The following PTPRD variants were observed in gnomAD, a reference collection of about 807,000 sequenced individuals.
PTPRD encodes protein tyrosine phosphatase receptor type D, also known as receptor-type tyrosine-protein phosphatase delta.
A neutral mutation model predicts 214.5 loss-of-function variants in PTPRD; 34 were observed. The observed-to-expected ratio is 0.16, with a 90% CI of 0.12 to 0.21. PTPRD has a LOEUF of 0.21. PTPRD is among the 10% of genes least tolerant of loss of function. The pLI is 1.00. For synonymous variants in PTPRD, 1,128 were observed against 845.7 expected (o/e 1.33, Z -5.79); for missense variants, 2,545 against 2,398.7 (o/e 1.06, Z -1.27).
At chr9:9,912,465 C>A (rs999015005) in intron 5 of PTPRD, among the ~76,000 whole-genome samples, 1 of 152,144 alleles carries the variant, frequency 6.6e-6, no homozygotes, top group Non-Finnish European at 1.5e-5. Context: ...AAATAATGTT[C>A]TTTTTGCCAT....
intron 4 of PTPRD, among the ~76,000 whole-genome samples, chr9:9,947,505 TATATATAA>T (rs1566621288): frequency 1.0e-3 from 29 of 28,440 alleles, no homozygotes; most frequent in African/African-American, 3.9e-3. Flanking sequence ...ATATATTTTA[TATATATAA>T]TATATATATT....
chr9:10,085,461 C>A (rs1296083371), intron 3 of PTPRD, among the ~76,000 whole-genome samples: 1 of 151,816 alleles, frequency 6.6e-6, no homozygotes, highest in East Asian at 1.9e-4. Flanking sequence ...GAGTTCTTCA[C>A]TGAGAAACCT....
chr9:10,420,899 T>C (rs922041690), intron 2 of PTPRD, among the ~76,000 whole-genome samples: 1 of 151,888 alleles, frequency 6.6e-6, no homozygotes, highest in South Asian at 2.1e-4. Context: ...GACTCCCACA[T>C]TTTGCTACTG....
chr9:9,559,891 C>T (rs1386349062), intron 8 of PTPRD, among the ~76,000 whole-genome samples: 3 of 152,188 alleles, frequency 2.0e-5, no homozygotes, highest in African/African-American at 7.2e-5. Context: ...AAGGTGCAGA[C>T]AGAGGTTTCA....
chr9:9,380,205 A>G lies in PTPRD; in HGVS notation c.-203+17244T>C, dbSNP rs886489118. ...ATCCCTAGTTTTACTGAGAGTTTTAATCATGCTAGACATCTCTCTAGACAC... is the reference window on the plus strand; with the variant it reads ...ATCCCTAGTTTTACTGAGAGTTTTAGTCATGCTAGACATCTCTCTAGACAC... On this transcript the variant is annotated intron_variant, in intron 9 of 45. Transcript: ENST00000381196. Among the ~76,000 whole-genome samples, 5 of 152,056 alleles carry G rather than the reference A, an allele frequency of 3.3e-5. No homozygotes were observed. In the East Asian group the frequency reaches 7.7e-4, roughly 24 times the overall value.
intron 10 of PTPRD, among the ~76,000 whole-genome samples, chr9:9,061,767 G>A (rs2099707877): frequency 1.3e-5 from 2 of 152,114 alleles, no homozygotes; most frequent in South Asian, 2.1e-4. Context: ...GGACCCAGTG[G>A]CACTAGCAGG....
intron 9 of PTPRD, among the ~76,000 whole-genome samples, chr9:9,392,617 T>C (rs1361165859): frequency 6.6e-6 from 1 of 152,160 alleles, no homozygotes; most frequent in East Asian, 1.9e-4. Flanking sequence ...GGTAATTTGA[T>C]AATCAGGCTA....
At chr9:8,816,212 A>G in intron 11 of PTPRD, among the ~76,000 whole-genome samples, 1 of 152,232 alleles carries the variant, frequency 6.6e-6, no homozygotes, top group East Asian at 1.9e-4. Context: ...AAAATCCATA[A>G]CAGACATTAG....
chr9:9,920,795 G>C (rs770704982), intron 5 of PTPRD, among the ~76,000 whole-genome samples: 4 of 152,110 alleles, frequency 2.6e-5, no homozygotes, highest in Admixed American at 6.6e-5. Flanking sequence ...GTAGATGCCA[G>C]CATTATTTAA....
At chr9:9,952,167 A>C (rs1394607975) in intron 4 of PTPRD, among the ~76,000 whole-genome samples, 1 of 152,186 alleles carries the variant, frequency 6.6e-6, no homozygotes, top group Non-Finnish European at 1.5e-5. Flanking sequence ...CACAATCCTA[A>C]CACAGTGAAA....
intron 11 of PTPRD, among the ~76,000 whole-genome samples, chr9:8,978,300 A>G (rs2099279540): frequency 6.6e-6 from 1 of 152,060 alleles, no homozygotes; most frequent in African/African-American, 2.4e-5. Flanking sequence ...TTCTGCTGGC[A>G]TTATGGTTGT....
At chr9:9,026,931 T>G (rs1416204321) in intron 10 of PTPRD, among the ~76,000 whole-genome samples, 1 of 151,608 alleles carries the variant, frequency 6.6e-6, no homozygotes, top group African/African-American at 2.4e-5. Context: ...GGAAGGAATC[T>G]CCCCAGCCAG....
chr9:8,927,980 A>T (rs201089094), intron 11 of PTPRD, among the ~76,000 whole-genome samples: 1 of 151,684 alleles, frequency 6.6e-6, no homozygotes, highest in African/African-American at 2.4e-5. Context: ...TTTTTTTCAT[A>T]TTTGTTGGCC....
rs372251506 is a variant in PTPRD, at chr9:9,220,344, T to A, written c.-202-36981A>T. ...TAAAAGCACTATCTAGAAGGCTTCA[T>A]ATTGCAAAATGACAAGTTTTTTTGA... On this transcript the variant is annotated intron_variant, in intron 9 of 45. Transcript: ENST00000381196. Among the ~76,000 whole-genome samples, 69 of 147,018 alleles carry A rather than the reference T, an allele frequency of 4.7e-4. 1 individual carries two copies. In the East Asian group the frequency reaches 5.8e-3, roughly 12 times the overall value.
chr9:9,019,819 G>A (rs955321452), intron 10 of PTPRD, among the ~76,000 whole-genome samples: 5 of 152,198 alleles, frequency 3.3e-5, no homozygotes, highest in Non-Finnish European at 5.9e-5. Context: ...TAATTTATAA[G>A]TAACTCTAAA....
chr9:8,706,756 T>G (rs1267788359), intron 12 of PTPRD, among the ~76,000 whole-genome samples: 1 of 152,206 alleles, frequency 6.6e-6, no homozygotes, highest in East Asian at 1.9e-4. Context: ...GAGTCAGGGT[T>G]GTCTTCATAA....
rs367946559 is a variant in PTPRD, at chr9:8,341,053, C to T, written c.5126+37G>A. On this transcript the variant is annotated intron_variant, in intron 41 of 45. Coordinates refer to ENST00000381196, the MANE Select transcript of PTPRD (RefSeq NM_002839.4). ...ATTAAACTAGGGCACATGTAAATAT[C>T]AAGGCTTTGGATAGTCAGGGGAGCA... is the stretch of plus-strand genomic sequence containing the variant. 194 of 1,524,574 alleles carry T rather than the reference C, an allele frequency of 1.3e-4. 1 individual carries two copies. In the African/African-American group the frequency reaches 2.5e-3, roughly 19 times the overall value. The allele number at this position is 1,524,574 out of a possible 1,614,324, so 94.4% of individuals were successfully genotyped here.
At chr9:10,161,083 G>T (rs913714546) in intron 3 of PTPRD, among the ~76,000 whole-genome samples, 1 of 151,726 alleles carries the variant, frequency 6.6e-6, no homozygotes, top group South Asian at 2.1e-4. Flanking sequence ...ACACAGAAAT[G>T]AAAAGATATT....
intron 11 of PTPRD, among the ~76,000 whole-genome samples, chr9:8,748,298 G>C (rs991827343): frequency 1.9e-4 from 29 of 151,908 alleles, no homozygotes; most frequent in African/African-American, 6.8e-4. Flanking sequence ...TTGCAACTTA[G>C]CTCACACCCA....
Sources: gnomAD v4.1 joint callset for allele counts (sites outside exome capture counted in the v4.1 genomes callset) on GRCh38, gnomAD v4.1.1 for gene constraint, MANE v1.5 for transcripts, NCBI Gene and HGNC (gene_info 2026-07-23, HGNC 2026-07-21) for gene names.